The following RABGAP1L variants were observed in gnomAD, a reference collection of about 807,000 sequenced individuals.
The protein encoded by RABGAP1L is rab GTPase-activating protein 1-like.
A neutral mutation model predicts 137.7 loss-of-function variants in RABGAP1L; 63 were observed. The ratio of observed to expected loss-of-function variants is 0.46; its 90% CI spans 0.37 to 0.56. RABGAP1L has a LOEUF of 0.56. Among genes scored for constraint, RABGAP1L ranks in the 20% least tolerant of loss-of-function variants. The pLI is 0.00. For synonymous variants in RABGAP1L, 431 were observed against 433.7 expected (o/e 0.99, Z 0.08); for missense variants, 1,095 against 1,244.0 (o/e 0.88, Z 1.80).
rs575108337 is a variant in RABGAP1L, at chr1:174,448,238, G to A, written c.1710+54093G>A. ...CAGTGTGGTGGATGTCTGCATCTTCGAGACAGTGGTTATTGTGTTGCTGAC... is the reference window on the plus strand; with the variant it reads ...CAGTGTGGTGGATGTCTGCATCTTCAAGACAGTGGTTATTGTGTTGCTGAC... On this transcript the variant is annotated intron_variant, in intron 13 of 25. Coordinates refer to ENST00000681986, the MANE Select transcript of RABGAP1L (RefSeq NM_001366446.1). The surrounding 1 kb of genome is among the most constrained non-coding windows in gnomAD (Gnocchi z 4.2). The A allele has an allele frequency of 1.2e-5, 19 of 1,613,946 alleles. No individual in the cohort carries two copies. Among genetic ancestry groups the A allele is most frequent in the Non-Finnish European group, 1.5e-5 (18 of 1,179,998 alleles).
chr1:174,724,932 G>A (rs1193434856), intron 17 of RABGAP1L, among the ~76,000 whole-genome samples: 4 of 152,176 alleles, frequency 2.6e-5, no homozygotes, highest in Non-Finnish European at 5.9e-5. Context: ...GTGCATGCTT[G>A]AGGCTCTTGG....
chr1:174,415,738 A>G (rs1650473952), intron 13 of RABGAP1L, among the ~76,000 whole-genome samples: 1 of 152,114 alleles, frequency 6.6e-6, no homozygotes, highest in Admixed American at 6.5e-5. Flanking sequence ...AGATATTCTA[A>G]GTAAGGCTCC....
At chr1:174,348,453 T>G (rs552814463) in intron 11 of RABGAP1L, among the ~76,000 whole-genome samples, 1 of 149,976 alleles carries the variant, frequency 6.7e-6, no homozygotes, top group Non-Finnish European at 1.5e-5. Flanking sequence ...TATTTATTTA[T>G]TTATTTTTTT....
At chr1:174,721,111 C>T (rs914682773) in intron 17 of RABGAP1L, among the ~76,000 whole-genome samples, 15 of 152,212 alleles carry the variant, frequency 9.9e-5, no homozygotes, top group Admixed American at 7.8e-4. Context: ...TATACTTGTA[C>T]ATTGAAATGT....
chr1:174,204,909 T>C (rs766125360), intron 1 of RABGAP1L, among the ~76,000 whole-genome samples: 5 of 152,214 alleles, frequency 3.3e-5, no homozygotes, highest in Non-Finnish European at 5.9e-5. Context: ...TTAAGTTTTC[T>C]GAGGCCTACC....
intron 13 of RABGAP1L, among the ~76,000 whole-genome samples, chr1:174,565,942 G>A (rs1667555275): frequency 6.9e-6 from 1 of 145,262 alleles, no homozygotes; most frequent in Non-Finnish European, 1.5e-5. Context: ...CTGGAGTGCA[G>A]TGGCAATACC....
Position 174,699,566 on chromosome 1 carries a change from G to T in RABGAP1L, c.1941G>T (p.Met647Ile). The change falls in exon 16 of 26, where the codon ATG (methionine) becomes ATT (isoleucine). Residue 647 changes from methionine to isoleucine, a missense_variant. By Grantham distance (10) the Met-to-Ile change is conservative. Coordinates refer to ENST00000681986, the MANE Select transcript of RABGAP1L (RefSeq NM_001366446.1). Reference protein sequence around the residue: ...EQAFCVLVKIMYDYGLRDLYR... With the variant: ...EQAFCVLVKIIYDYGLRDLYR... ...CATTCTGTGTTTTGGTGAAAATCAT[G>T]TACGACTATGGTTTGAGAGACCTCT... 1 of 1,611,890 alleles carries T rather than the reference G, an allele frequency of 6.2e-7. No homozygotes were observed. The highest frequency in any genetic ancestry group is 8.5e-7 in the Non-Finnish European group (1 of 1,178,112).
intron 14 of RABGAP1L, among the ~76,000 whole-genome samples, chr1:174,664,868 G>T (rs1048728345): frequency 6.6e-5 from 10 of 150,984 alleles, no homozygotes; most frequent in South Asian, 4.2e-4. Context: ...CTCCCAAGTA[G>T]CTGGGATTAC....
chr1:174,231,012 A>G, intron 3 of RABGAP1L, 133 bp from the exon 4 acceptor site: 1 of 628,836 alleles, frequency 1.6e-6, no homozygotes. Context: ...ATTTTAAAAT[A>G]TAAAAGGAGT....
In RABGAP1L at chr1:174,746,726, C is replaced by A. The variant is rs572352630; in HGVS notation, c.2170-5587C>A. Among the ~76,000 whole-genome samples, 7 of 152,200 alleles carry A rather than the reference C, an allele frequency of 4.6e-5. No individual in the cohort carries two copies. The East Asian group carries it at 1.4e-3, about 29-fold the overall frequency. On this transcript the variant is annotated intron_variant, in intron 17 of 25. Transcript: ENST00000681986. ...ATCACTTTTGGAATTAGGTTAAAAT[C>A]CTAGATCTGCACTTATTAGCTATTG...
intron 18 of RABGAP1L, among the ~76,000 whole-genome samples, chr1:174,777,284 C>A (rs1309442380): frequency 6.6e-6 from 1 of 152,162 alleles, no homozygotes; most frequent in African/African-American, 2.4e-5. Flanking sequence ...GACTTGTGTT[C>A]TTTTCATCCT....
In RABGAP1L at chr1:174,498,792, T is replaced by G. The variant is rs566806936; in HGVS notation, c.1710+104647T>G. On this transcript the variant is annotated intron_variant, in intron 13 of 25. Coordinates refer to ENST00000681986, the MANE Select transcript of RABGAP1L (RefSeq NM_001366446.1). ...TCCCAAAGTGCTAGGATTACAGGTGTGAGCCACCGCGCCTGGCCTGAAACA... is the reference window on the plus strand; with the variant it reads ...TCCCAAAGTGCTAGGATTACAGGTGGGAGCCACCGCGCCTGGCCTGAAACA... 1.2e-4 allele frequency among the ~76,000 whole-genome samples: 19 copies of G among 152,054 alleles called. No homozygotes were observed. The South Asian group carries it at 3.7e-3, about 30-fold the overall frequency.
chr1:174,611,693 G>T (rs1335310691), intron 13 of RABGAP1L, among the ~76,000 whole-genome samples: 1 of 151,626 alleles, frequency 6.6e-6, no homozygotes, highest in Non-Finnish European at 1.5e-5. Flanking sequence ...CATGAGCATG[G>T]AATGTTCTTC....
At chr1:174,817,065 A>AT (rs1380975289) in intron 19 of RABGAP1L, among the ~76,000 whole-genome samples, 1 of 151,590 alleles carries the variant, frequency 6.6e-6, no homozygotes, top group Non-Finnish European at 1.5e-5. Flanking sequence ...TTTTAAGTTG[A>AT]TTTTTATTTG....
chr1:174,286,430 A>G (rs1340419962), intron 10 of RABGAP1L, among the ~76,000 whole-genome samples: 2 of 151,580 alleles, frequency 1.3e-5, no homozygotes. Flanking sequence ...TTCATTTGTA[A>G]TTTTATTTAT....
At chr1:174,162,753 C>CTTTT (rs971302832) in intron 1 of RABGAP1L, among the ~76,000 whole-genome samples, 3 of 37,168 alleles carry the variant, frequency 8.1e-5, no homozygotes, top group Admixed American at 2.8e-4. Context: ...GCTGGTATTT[C>CTTTT]TTTTTTTTTT....
intron 13 of RABGAP1L, among the ~76,000 whole-genome samples, chr1:174,451,491 T>A (rs1655439673): frequency 6.6e-6 from 1 of 152,130 alleles, no homozygotes; most frequent in South Asian, 2.1e-4. Flanking sequence ...TTTGAGATAA[T>A]AGTTATTATT....
chr1:174,413,609 A>G (rs993382288), intron 13 of RABGAP1L, among the ~76,000 whole-genome samples: 5 of 152,158 alleles, frequency 3.3e-5, no homozygotes, highest in African/African-American at 9.6e-5. Context: ...TCTCGCAGGT[A>G]TGATTGTTTT....
chr1:174,846,081 A>G (rs1694016505), intron 19 of RABGAP1L, among the ~76,000 whole-genome samples: 1 of 151,306 alleles, frequency 6.6e-6, no homozygotes, highest in South Asian at 2.1e-4. Flanking sequence ...TATCCCCTTT[A>G]TTATTTTTTA....
Sources: gnomAD v4.1 joint callset for allele counts (sites outside exome capture counted in the v4.1 genomes callset) on GRCh38, gnomAD v4.1.1 for gene constraint, Gnocchi (gnomAD v3.1) non-coding constraint, MANE v1.5 for transcripts, NCBI Gene and HGNC (gene_info 2026-07-23, HGNC 2026-07-21) for gene names.